The following LAMA2 variants were observed in gnomAD, a reference collection of about 807,000 sequenced individuals.
LAMA2 encodes laminin subunit alpha 2, also known as laminin subunit alpha-2.
LAMA2 carries 269 observed loss-of-function variants against 364.8 expected under a neutral mutation model. The observed-to-expected ratio is 0.74, with a 90% CI of 0.67 to 0.82. LAMA2 has a LOEUF of 0.82. Ranked by LOEUF, LAMA2 falls within the 40% of genes least tolerant of loss-of-function variation. The pLI, the probability that LAMA2 is intolerant of heterozygous loss-of-function variation, is 0.00. For synonymous variants in LAMA2, 1,379 were observed against 1,370.6 expected, an observed-to-expected ratio of 1.01 and a Z score of -0.14; for missense variants, 3,807 against 3,873.2, an observed-to-expected ratio of 0.98 and a Z score of 0.45.
chr6:129,451,614 A>G (rs562455753), intron 45 of LAMA2, among the ~76,000 whole-genome samples: 6 of 152,302 alleles, frequency 3.9e-5, no homozygotes, highest in East Asian at 3.9e-4. Context: ...ATAAACAAAT[A>G]AATGACTTAT....
At position 129,192,752 on chromosome 6, in the gene LAMA2, T is replaced by C. The variant is rs765515681; in HGVS notation, c.1681T>C (p.Leu561=). The change falls in exon 12 of 65, where the codon TTG becomes CTG. Residue 561 remains leucine, a synonymous_variant. Transcript: ENST00000421865. ...RIRVAPQQDD[L]DSPQQISISN... ...TCGAGTGGCTCCCCAGCAGGACGAC[T>C]TGGACTCACCTCAGCAGATCAGCAT... 2 of 1,614,188 alleles carry C rather than the reference T, an allele frequency of 1.2e-6. No individual in the cohort carries two copies. Among genetic ancestry groups the C allele is most frequent in the Non-Finnish European group, 1.7e-6 (2 of 1,180,022 alleles).
chr6:129,123,433 C>T (rs1174377921), intron 4 of LAMA2, among the ~76,000 whole-genome samples: 10 of 151,634 alleles, frequency 6.6e-5, no homozygotes, highest in South Asian at 6.3e-4. Flanking sequence ...TCTGCATTTC[C>T]GTATTCATTT....
chr6:129,061,113 T>C (rs1315313822), intron 3 of LAMA2, among the ~76,000 whole-genome samples: 2 of 152,182 alleles, frequency 1.3e-5, no homozygotes, highest in African/African-American at 4.8e-5. Flanking sequence ...ATCCTGTGCA[T>C]GAATCCCCTG....
intron 1 of LAMA2, among the ~76,000 whole-genome samples, chr6:128,900,826 C>G (rs1178246948): frequency 2.6e-5 from 4 of 152,108 alleles, no homozygotes; most frequent in Non-Finnish European, 4.4e-5. Context: ...AATGAAAACT[C>G]CCCTCTTTCA....
In LAMA2 at chr6:129,464,407, A is replaced by G; in HGVS notation, c.7110A>G (p.Thr2370=). 1.9e-6 allele frequency: 3 copies of G among 1,612,458 alleles called. 1 individual carries two copies. Among genetic ancestry groups the G allele is most frequent in the Non-Finnish European group, 2.5e-6 (3 of 1,178,868 alleles). The part of the protein sequence containing the change: ...NISTVMFKFR[T]FSSSALLMYL... Reference sequence around the variant, plus strand: ...CCACTGTCATGTTCAAGTTCAGAACATTTTCTTCGAGTGCTCTTCTGATGT... The same window carrying G: ...CCACTGTCATGTTCAAGTTCAGAACGTTTTCTTCGAGTGCTCTTCTGATGT... Residue 2370 remains threonine (T), a synonymous_variant, in exon 50 of 65, where the codon ACA becomes ACG. Transcript: ENST00000421865.
At chr6:129,199,457 G>A (rs1583231656) in intron 12 of LAMA2, among the ~76,000 whole-genome samples, 1 of 152,044 alleles carries the variant, frequency 6.6e-6, no homozygotes, top group South Asian at 2.1e-4. Flanking sequence ...TCACTATAAC[G>A]ACTCCCACTT....
At chr6:129,105,298 A>G (rs947264664) in intron 4 of LAMA2, among the ~76,000 whole-genome samples, 5 of 152,192 alleles carry the variant, frequency 3.3e-5, no homozygotes, top group Non-Finnish European at 5.9e-5. Flanking sequence ...GAGAGCTACT[A>G]TCACAGCCCA....
intron 4 of LAMA2, among the ~76,000 whole-genome samples, chr6:129,122,988 G>A (rs546508251): frequency 1.3e-5 from 2 of 152,094 alleles, no homozygotes; most frequent in African/African-American, 2.4e-5. Flanking sequence ...AAAGTAGGAA[G>A]GTTCCTCAAA....
intron 40 of LAMA2, among the ~76,000 whole-genome samples, chr6:129,422,379 C>T (rs1194797874): frequency 6.6e-6 from 1 of 152,084 alleles, no homozygotes; most frequent in African/African-American, 2.4e-5. Context: ...TGTATCAGTA[C>T]ATAGCCTTCA....
At chr6:128,925,845 A>G (rs1779057165) in intron 1 of LAMA2, among the ~76,000 whole-genome samples, 1 of 152,088 alleles carries the variant, frequency 6.6e-6, no homozygotes, top group East Asian at 1.9e-4. Context: ...TGCTATCTTA[A>G]TGCATATCTT....
chr6:129,440,656 A>G, intron 42 of LAMA2, among the ~76,000 whole-genome samples, 160 bp from the exon 43 acceptor site: 1 of 152,160 alleles, frequency 6.6e-6, no homozygotes, highest in Admixed American at 6.5e-5. Flanking sequence ...ACCTAAAAAA[A>G]TTTGCTTCAT....
At chr6:129,441,041 C>T in intron 43 of LAMA2, 43 bp downstream of exon 43, 1 of 1,544,074 alleles carries the variant, frequency 6.5e-7, no homozygotes, top group Middle Eastern at 1.7e-4. Flanking sequence ...TTTATTTCCT[C>T]TCACTGTAAA....
At chr6:129,151,219 C>T (rs754433577) in intron 7 of LAMA2, among the ~76,000 whole-genome samples, 19 of 152,028 alleles carry the variant, frequency 1.2e-4, no homozygotes, top group Non-Finnish European at 2.5e-4. Flanking sequence ...TGTGATGGAC[C>T]GTTTATTTGG....
At chr6:129,168,951 AT>A (rs1779948603) in intron 9 of LAMA2, among the ~76,000 whole-genome samples, 1 of 151,874 alleles carries the variant, frequency 6.6e-6, no homozygotes. Context: ...TTCACTCATG[AT>A]TTGGCTCTCT....
chr6:129,409,506 C>T (rs2114707991), intron 40 of LAMA2, among the ~76,000 whole-genome samples: 1 of 152,310 alleles, frequency 6.6e-6, no homozygotes, highest in East Asian at 1.9e-4. Context: ...CTAGATGGGT[C>T]AGAAAGCATC....
chr6:129,200,633 G>T (rs1005480723), intron 12 of LAMA2, among the ~76,000 whole-genome samples: 1 of 151,828 alleles, frequency 6.6e-6, no homozygotes, highest in Non-Finnish European at 1.5e-5. Context: ...TCCATGAATG[G>T]AATTAATGCC....
chr6:129,092,826 G>T (rs1056859130), intron 3 of LAMA2, among the ~76,000 whole-genome samples: 1 of 152,076 alleles, frequency 6.6e-6, no homozygotes, highest in Non-Finnish European at 1.5e-5. Context: ...ATTTTTTACG[G>T]CTTTTGTGGA....
At chr6:129,080,684 C>A (rs181324842) in intron 3 of LAMA2, among the ~76,000 whole-genome samples, 2 of 152,246 alleles carry the variant, frequency 1.3e-5, no homozygotes, top group Non-Finnish European at 2.9e-5. Flanking sequence ...AAATCAAAAC[C>A]ACAAAGAGAT....
chr6:128,912,595 A>G (rs1051686831), intron 1 of LAMA2, among the ~76,000 whole-genome samples: 3 of 152,242 alleles, frequency 2.0e-5, no homozygotes, highest in Admixed American at 6.5e-5. Flanking sequence ...ATCCCAATTT[A>G]TTCATTAAAT....
Sources: allele counts gnomAD v4.1 joint callset (sites outside exome capture counted in the v4.1 genomes callset), GRCh38; gene constraint gnomAD v4.1.1; transcripts MANE v1.5; gene names NCBI Gene and HGNC (gene_info 2026-07-23, HGNC 2026-07-21).